The following ANKS1B variants were observed in gnomAD, a reference collection of about 807,000 sequenced individuals.
The protein encoded by ANKS1B is ankyrin repeat and sterile alpha motif domain containing 1B.
Under a neutral mutation model 148.3 loss-of-function variants are expected in ANKS1B, and 36 were observed. The ratio of observed to expected loss-of-function variants is 0.24; its 90% confidence interval spans 0.19 to 0.32. The LOEUF is 0.32. ANKS1B is among the 10% of genes least tolerant of loss of function. ANKS1B has a pLI of 1.00. For missense variants in ANKS1B, 1,157 were observed against 1,542.6 expected, an observed-to-expected ratio of 0.75 and a Z score of 4.19; for synonymous variants, 542 against 560.8, an observed-to-expected ratio of 0.97 and a Z score of 0.47.
intron 17 of ANKS1B, among the ~76,000 whole-genome samples, chr12:98,948,330 TA>T (rs2099848577): frequency 6.6e-6 from 1 of 152,210 alleles, no homozygotes; most frequent in Non-Finnish European, 1.5e-5. Flanking sequence ...TGTTGCATTG[TA>T]AAAACTTCAG....
chr12:99,188,525 C>T (rs1266520124), intron 14 of ANKS1B, among the ~76,000 whole-genome samples: 1 of 152,178 alleles, frequency 6.6e-6, no homozygotes, highest in Non-Finnish European at 1.5e-5. Context: ...CAAATTGGAA[C>T]TCAGGATTAA....
rs374813576 is a variant in ANKS1B, at chr12:99,896,468, G to T, written c.135-71079C>A. On this transcript the variant is annotated intron_variant, in intron 1 of 26. Transcript: ENST00000683438. ...TGAATAATACTCCATTGTGAATAGA[G>T]ACACCACAATTTCTTTATCCATTCA... is the stretch of plus-strand genomic sequence containing the variant. Among the ~76,000 whole-genome samples, 17 of 151,382 alleles carry T rather than the reference G, an allele frequency of 1.1e-4. No individual in the cohort carries two copies. In the South Asian group the frequency reaches 2.5e-3, roughly 22 times the overall value.
chr12:99,376,454 G>A (rs762380744), intron 12 of ANKS1B, among the ~76,000 whole-genome samples: 8 of 152,120 alleles, frequency 5.3e-5, no homozygotes, highest in Non-Finnish European at 7.4e-5. Flanking sequence ...TTCATTTTCA[G>A]GTTTGTGGAA....
intron 17 of ANKS1B, among the ~76,000 whole-genome samples, chr12:98,905,601 A>T (rs1266445555): frequency 1.3e-5 from 2 of 151,996 alleles, no homozygotes; most frequent in Non-Finnish European, 1.5e-5. Context: ...GAGACCCCAT[A>T]TCTACAAAAA....
intron 17 of ANKS1B, chr12:98,895,070 G>A (rs1414123353): frequency 3.1e-6 from 3 of 960,536 alleles, no homozygotes; most frequent in Non-Finnish European, 3.7e-6. Context: ...TTCCGCGGCT[G>A]CTGCCCGGGG....
intron 12 of ANKS1B, among the ~76,000 whole-genome samples, chr12:99,295,726 A>G (rs1038783346): frequency 1.3e-5 from 2 of 152,116 alleles, no homozygotes; most frequent in Non-Finnish European, 2.9e-5. Flanking sequence ...CCTGGTACAC[A>G]TTAGTTATTT....
intron 8 of ANKS1B, among the ~76,000 whole-genome samples, chr12:99,676,131 C>T (rs2098567140): frequency 6.6e-6 from 1 of 152,068 alleles, no homozygotes; most frequent in African/African-American, 2.4e-5. Context: ...GGCACTTCTC[C>T]TTCCTGCTGC....
At chr12:99,070,554 GA>G (rs879612710) in intron 16 of ANKS1B, among the ~76,000 whole-genome samples, 1 of 152,180 alleles carries the variant, frequency 6.6e-6, no homozygotes, top group Non-Finnish European at 1.5e-5. Flanking sequence ...TTACGAATGA[GA>G]AAAAATAGCA....
At chr12:99,591,335 A>AT (rs999051723) in intron 9 of ANKS1B, among the ~76,000 whole-genome samples, 1 of 151,908 alleles carries the variant, frequency 6.6e-6, no homozygotes, top group Non-Finnish European at 1.5e-5. Context: ...AGATGTTTTT[A>AT]TTTTTTTCCA....
chr12:99,848,900 G>A (rs1247972428), intron 1 of ANKS1B, among the ~76,000 whole-genome samples: 1 of 152,062 alleles, frequency 6.6e-6, no homozygotes, highest in Non-Finnish European at 1.5e-5. Flanking sequence ...CAACAATTTG[G>A]ATGCAGCTGG....
intron 10 of ANKS1B, among the ~76,000 whole-genome samples, chr12:99,453,542 C>A (rs2095794789): frequency 6.6e-6 from 1 of 152,136 alleles, no homozygotes; most frequent in Non-Finnish European, 1.5e-5. Flanking sequence ...AGCTTGGAAG[C>A]AAATCCTTCA....
chr12:99,653,678 C>CTTTTTTTTTTTT (rs199988255), intron 9 of ANKS1B, among the ~76,000 whole-genome samples: 14 of 113,546 alleles, frequency 1.2e-4, no homozygotes, highest in Non-Finnish European at 1.5e-4. Flanking sequence ...TTCTTTCTTT[C>CTTTTTTTTTTTT]TTTTTTTTTT....
intron 12 of ANKS1B, among the ~76,000 whole-genome samples, chr12:99,338,114 G>T (rs150531296): frequency 1.2e-4 from 18 of 152,282 alleles, no homozygotes; most frequent in Non-Finnish European, 2.2e-4. Flanking sequence ...TCCCTTCAGG[G>T]AGGTAAGCTC....
intron 12 of ANKS1B, among the ~76,000 whole-genome samples, chr12:99,297,638 T>C (rs1347970093): frequency 6.6e-6 from 1 of 152,174 alleles, no homozygotes; most frequent in Non-Finnish European, 1.5e-5. Context: ...ATTGTGGAAA[T>C]GGTCAGCTTT....
At chr12:99,664,319 C>A (rs1408926605) in intron 8 of ANKS1B, among the ~76,000 whole-genome samples, 1 of 151,946 alleles carries the variant, frequency 6.6e-6, no homozygotes, top group Admixed American at 6.6e-5. Context: ...ATATACCTAA[C>A]ATGAACCCAT....
chr12:99,565,620 C>T (rs958287085), intron 9 of ANKS1B, among the ~76,000 whole-genome samples: 1 of 152,192 alleles, frequency 6.6e-6, no homozygotes, highest in Admixed American at 6.5e-5. Context: ...TGGTTCTGCC[C>T]TCTGAGTCAT....
At chr12:99,792,550 G>T (rs183167341) in intron 4 of ANKS1B, among the ~76,000 whole-genome samples, 79 of 151,998 alleles carry the variant, frequency 5.2e-4, no homozygotes, top group African/African-American at 1.7e-3. Flanking sequence ...TGCAAGGATG[G>T]TTCAACATAT....
intron 22 of ANKS1B, among the ~76,000 whole-genome samples, chr12:98,786,358 G>A (rs1593612666): frequency 6.6e-6 from 1 of 152,290 alleles, no homozygotes; most frequent in East Asian, 1.9e-4. Flanking sequence ...ACAGGAATCA[G>A]AATTTCATAT....
intron 1 of ANKS1B, among the ~76,000 whole-genome samples, chr12:99,912,417 TCTC>T (rs935865223): frequency 6.6e-5 from 10 of 152,024 alleles, no homozygotes; most frequent in African/African-American, 2.2e-4. Flanking sequence ...AGTGGCATAA[TCTC>T]CACTCACTGC....
Sources: allele counts gnomAD v4.1 joint callset (sites outside exome capture counted in the v4.1 genomes callset), GRCh38; gene constraint gnomAD v4.1.1; transcripts MANE v1.5; gene names NCBI Gene and HGNC (gene_info 2026-07-23, HGNC 2026-07-21).